The following MRPS10 variants were observed in gnomAD, a reference collection of about 807,000 sequenced individuals.
MRPS10 encodes the protein mitochondrial ribosomal protein S10, also known as small ribosomal subunit protein uS10m.
MRPS10 carries 23 observed loss-of-function variants against 27.5 expected under a neutral mutation model. The observed-to-expected ratio is 0.84, with a 90% confidence interval of 0.60 to 1.18. The LOEUF (loss-of-function observed/expected upper bound fraction) is 1.18, where lower values mean the gene tolerates loss of function less well. Among genes scored for constraint, MRPS10 ranks in the 50% most tolerant of loss-of-function variants. MRPS10 has a pLI of 0.00. For synonymous variants in MRPS10, 88 were observed against 84.2 expected (o/e 1.04, Z -0.25); for missense variants, 237 against 240.1 (o/e 0.99, Z 0.09).
At chr6:42,213,312 G>GT (rs1768836170) in intron 3 of MRPS10, among the ~76,000 whole-genome samples, 4 of 152,268 alleles carry the variant, frequency 2.6e-5, no homozygotes, top group African/African-American at 9.6e-5. Flanking sequence ...AGCCAGGCAT[G>GT]GTGGTGTGTG....
intron 1 of MRPS10, 151 bp from the exon 2 acceptor site, chr6:42,214,495 A>G: frequency 1.9e-6 from 1 of 538,262 alleles, no homozygotes; most frequent in Non-Finnish European, 3.2e-6. Context: ...AAAAAAAAAG[A>G]GGACAATGGT....
At chr6:42,216,854 C>T (rs534427201) in intron 1 of MRPS10, among the ~76,000 whole-genome samples, 1 of 152,128 alleles carries the variant, frequency 6.6e-6, no homozygotes, top group South Asian at 2.1e-4. Context: ...AAAGTGTAGT[C>T]TGAGGACGTC....
rs774514939 is a variant in MRPS10, at chr6:42,214,212, G to T, written c.114-20C>A. The T allele has an allele frequency of 6.2e-7, 1 of 1,610,076 alleles. No individual in the cohort carries two copies. ...GTACTGCTATGTGTGGGGAAAAAAA[G>T]AGAAACCTAAGTAAAATAGCACAAG... On this transcript the variant is annotated intron_variant, in intron 2 of 6. Coordinates refer to ENST00000053468, the MANE Select transcript of MRPS10 (RefSeq NM_018141.4).
chr6:42,211,031 GTTTTTGTC>G (rs1156389845), intron 4 of MRPS10, among the ~76,000 whole-genome samples: 8 of 152,218 alleles, frequency 5.3e-5, no homozygotes, highest in Non-Finnish European at 8.8e-5. Flanking sequence ...GTGGCCTTCT[GTTTTTGTC>G]AGAAGGCCAG....
chr6:42,215,397 A>G (rs1389430698), intron 1 of MRPS10, among the ~76,000 whole-genome samples: 1 of 149,758 alleles, frequency 6.7e-6, no homozygotes, highest in Non-Finnish European at 1.5e-5. Flanking sequence ...GTGAAGTTTC[A>G]TTAATACAAA....
intron 5 of MRPS10, among the ~76,000 whole-genome samples, chr6:42,210,178 G>A (rs940952912): frequency 2.0e-5 from 3 of 152,214 alleles, no homozygotes; most frequent in Non-Finnish European, 4.4e-5. Flanking sequence ...GCTAGTATGT[G>A]AAACAGTTAT....
In MRPS10 at chr6:42,214,130, G is replaced by A. The variant is rs1768853840; in HGVS notation, c.176C>T (p.Thr59Ile). 1.2e-6 allele frequency: 2 copies of A among 1,611,706 alleles called. No individual in the cohort carries two copies. The highest frequency in any genetic ancestry group is 1.7e-6 in the Non-Finnish European group (2 of 1,178,842). ...ACAGGGAGTACATACCACAGGTTTG[G>A]TCAAATCCTTTGGAACATCAACGTG... Reference protein sequence around the residue: ...NLHVDVPKDLTKPVVTISDEP... With the variant: ...NLHVDVPKDLIKPVVTISDEP... Residue 59 changes from threonine to isoleucine, a missense_variant, in exon 3 of 7, where the codon ACC becomes ATC. Transcript: ENST00000053468.
At chr6:42,208,438 T>C in intron 6 of MRPS10, 66 bp from the exon 7 acceptor site, 1 of 1,219,520 alleles carries the variant, frequency 8.2e-7, no homozygotes, top group Non-Finnish European at 1.2e-6. Flanking sequence ...CAAATCGGAC[T>C]TATTAATTTG....
At chr6:42,209,580 T>A (rs1290116819) in intron 5 of MRPS10, among the ~76,000 whole-genome samples, 1 of 151,590 alleles carries the variant, frequency 6.6e-6, no homozygotes, top group African/African-American at 2.4e-5. Context: ...AAACCCCATC[T>A]CTACTAAAAA....
At chr6:42,214,434 A>C in intron 1 of MRPS10, 90 bp from the exon 2 acceptor site, 1 of 1,009,010 alleles carries the variant, frequency 9.9e-7, no homozygotes, top group South Asian at 1.5e-5. Flanking sequence ...AGGTTACCTC[A>C]TTATTTCAGA....
Position 42,214,195 on chromosome 6 carries a change from A to C in MRPS10, c.114-3T>G, listed in dbSNP as rs1280295165. 2 of 1,612,166 alleles carry C rather than the reference A, an allele frequency of 1.2e-6. No homozygotes were observed. Among genetic ancestry groups the C allele is most frequent in the Non-Finnish European group, 1.7e-6 (2 of 1,178,874 alleles). ...GTACCCACTTCATATTGGTACTGCT[A>C]TGTGTGGGGAAAAAAAGAGAAACCT... is the stretch of plus-strand genomic sequence containing the variant. On this transcript the variant is annotated splice_polypyrimidine_tract_variant and splice_region_variant and intron_variant, in intron 2 of 6. Coordinates refer to ENST00000053468, the MANE Select transcript of MRPS10 (RefSeq NM_018141.4).
chr6:42,215,422 G>A (rs1266622938), intron 1 of MRPS10, among the ~76,000 whole-genome samples: 2 of 148,088 alleles, frequency 1.4e-5, no homozygotes, highest in Admixed American at 1.4e-4. Flanking sequence ...TGTCACCTAA[G>A]TACGTTTTTG....
In MRPS10 at chr6:42,216,005, CTTTTCTTTTTTTTTTCTTTTCTTT is replaced by C. The variant is rs1252554234; in HGVS notation, c.49-1685_49-1662del. Among the ~76,000 whole-genome samples the C allele has an allele frequency of 5.7e-5, 8 of 141,404 alleles. No homozygotes were observed. The South Asian group carries it at 1.6e-3, about 28-fold the overall frequency. 92.8% of individuals were successfully genotyped at this position (141,404 alleles called of 152,430 possible). On this transcript the variant is annotated intron_variant, in intron 1 of 6. Transcript: ENST00000053468. ...CTCCCACTATAAACCTCTGCTTTTT[CTTTTCTTTTTTTTTTCTTTTCTTT>C]TTTTTTTTTTTTTTGAGAGAGTCTT...
intron 1 of MRPS10, among the ~76,000 whole-genome samples, chr6:42,217,153 TGA>T (rs1416780589): frequency 1.3e-5 from 2 of 152,246 alleles, no homozygotes; most frequent in Non-Finnish European, 2.9e-5. Context: ...TAACATGTAA[TGA>T]GTTAGTGTTA....
At chr6:42,210,112 T>C (rs1370806913) in intron 5 of MRPS10, among the ~76,000 whole-genome samples, 1 of 152,192 alleles carries the variant, frequency 6.6e-6, no homozygotes, top group African/African-American at 2.4e-5. Flanking sequence ...GAAGCACAAA[T>C]GAGTAACAGA....
chr6:42,214,067 G>T, intron 3 of MRPS10, 53 bp downstream of exon 3: 1 of 1,457,472 alleles, frequency 6.9e-7, no homozygotes, highest in South Asian at 1.3e-5. Context: ...GAAATAATAA[G>T]GAAAACCTAT....
intron 5 of MRPS10, 21 bp downstream of exon 5, chr6:42,210,467 G>A: frequency 7.7e-7 from 1 of 1,305,500 alleles, no homozygotes; most frequent in Non-Finnish European, 1.0e-6. Flanking sequence ...AAAAATGCCA[G>A]AATTTCTCAA....
At chr6:42,211,235 C>T (rs1408981643) in intron 4 of MRPS10, among the ~76,000 whole-genome samples, 2 of 152,222 alleles carry the variant, frequency 1.3e-5, no homozygotes, top group African/African-American at 2.4e-5. Flanking sequence ...AAAATCATCA[C>T]ATCCAAAGGG....
At position 42,208,160 on chromosome 6, in the gene MRPS10, G is replaced by C; in HGVS notation, c.*129C>G. 1.4e-6 allele frequency: 1 copy of C among 718,184 alleles called. No homozygotes were observed. Among genetic ancestry groups the C allele is most frequent in the Non-Finnish European group, 2.4e-6 (1 of 412,616 alleles). 44.5% of individuals were successfully genotyped at this position (718,184 alleles called of 1,614,324 possible). A position where few individuals can be genotyped will look rare whatever the true frequency, so the allele number is the denominator to read the frequency against. ...TCCATTCCCTGCCCTCAGCTGATGAGGGCACGAGAACTCAATGGAGCAGTT... is the reference window on the plus strand; with the variant it reads ...TCCATTCCCTGCCCTCAGCTGATGACGGCACGAGAACTCAATGGAGCAGTT... On this transcript the variant is annotated 3_prime_UTR_variant, in exon 7 of 7. Coordinates refer to ENST00000053468, the MANE Select transcript of MRPS10 (RefSeq NM_018141.4).
Sources: gnomAD v4.1 joint callset for allele counts (sites outside exome capture counted in the v4.1 genomes callset) on GRCh38, gnomAD v4.1.1 for gene constraint, MANE v1.5 for transcripts, NCBI Gene and HGNC (gene_info 2026-07-23, HGNC 2026-07-21) for gene names.